The following GRID1 variants were observed in gnomAD, a reference collection of about 807,000 sequenced individuals.
The protein encoded by GRID1 is glutamate ionotropic receptor delta type subunit 1.
A neutral mutation model predicts 98.0 loss-of-function variants in GRID1; 28 were observed. The ratio of observed to expected loss-of-function variants is 0.29; its 90% confidence interval spans 0.21 to 0.39. The LOEUF (loss-of-function observed/expected upper bound fraction) is 0.39. Among genes scored for constraint, GRID1 ranks in the 10% least tolerant of loss-of-function variants. The pLI, the probability that GRID1 is intolerant of heterozygous loss-of-function variation, is 1.00. For synonymous variants in GRID1, 553 were observed against 538.5 expected, an observed-to-expected ratio of 1.03 and a Z score of -0.37; for missense variants, 1,111 against 1,340.5, an observed-to-expected ratio of 0.83 and a Z score of 2.67.
chr10:86,263,003 A>G (rs1202458757), intron 2 of GRID1, among the ~76,000 whole-genome samples: 4 of 151,284 alleles, frequency 2.6e-5, no homozygotes, highest in East Asian at 2.0e-4. Context: ...GAGGGAGTCA[A>G]TTTATTCTGG....
intron 2 of GRID1, among the ~76,000 whole-genome samples, chr10:86,237,571 G>T (rs1421361745): frequency 1.3e-5 from 2 of 152,060 alleles, no homozygotes; most frequent in Non-Finnish European, 2.9e-5. Flanking sequence ...ATGGTGGCAG[G>T]TGCCTGTAGT....
intron 4 of GRID1, among the ~76,000 whole-genome samples, chr10:85,991,051 G>A (rs1037929582): frequency 1.2e-4 from 18 of 152,056 alleles, no homozygotes; most frequent in South Asian, 8.3e-4. Flanking sequence ...TTCCTCTTGC[G>A]CCCTCCCTGC....
chr10:86,283,657 T>C (rs986042647), intron 2 of GRID1, among the ~76,000 whole-genome samples: 3 of 149,756 alleles, frequency 2.0e-5, no homozygotes, highest in Non-Finnish European at 4.5e-5. Flanking sequence ...CACCTGCACA[T>C]ACAACCTGCC....
At chr10:86,320,411 T>G (rs1162222828) in intron 2 of GRID1, among the ~76,000 whole-genome samples, 2 of 152,166 alleles carry the variant, frequency 1.3e-5, no homozygotes, top group African/African-American at 4.8e-5. Context: ...CTTGAAAACC[T>G]CATGCTAAGT....
chr10:86,342,424 TAC>T (rs1248433689), intron 2 of GRID1, among the ~76,000 whole-genome samples: 2 of 152,152 alleles, frequency 1.3e-5, no homozygotes, highest in Non-Finnish European at 2.9e-5. Flanking sequence ...CCTTTCCCAG[TAC>T]ACACACACTC....
intron 2 of GRID1, among the ~76,000 whole-genome samples, chr10:86,307,079 C>G (rs1847768249): frequency 6.6e-6 from 1 of 152,198 alleles, no homozygotes; most frequent in Non-Finnish European, 1.5e-5. Flanking sequence ...GCTTTGCACA[C>G]TGTTGGTAAG....
At chr10:85,697,212 A>G (rs907433101) in intron 12 of GRID1, among the ~76,000 whole-genome samples, 6 of 152,142 alleles carry the variant, frequency 3.9e-5, no homozygotes, top group Non-Finnish European at 8.8e-5. Context: ...AGTTTTTAAG[A>G]GAATTAAGTT....
chr10:85,875,759 G>T (rs73342532), intron 5 of GRID1, among the ~76,000 whole-genome samples: 2,379 of 152,142 alleles, frequency 0.016, 71 homozygotes, highest in African/African-American at 0.054. Flanking sequence ...CAACTAACAC[G>T]CTAAAAACCT....
At chr10:86,349,652 C>T (rs1199780515) in intron 2 of GRID1, among the ~76,000 whole-genome samples, 1 of 152,322 alleles carries the variant, frequency 6.6e-6, no homozygotes, top group East Asian at 1.9e-4. Context: ...ACAGGCAGAC[C>T]TACAGGGGGC....
intron 3 of GRID1, among the ~76,000 whole-genome samples, chr10:86,188,942 C>T (rs372036642): frequency 6.6e-6 from 1 of 152,172 alleles, no homozygotes; most frequent in East Asian, 1.9e-4. Flanking sequence ...AAGTGTCTGA[C>T]ACAGGGAGAT....
At chr10:86,103,952 T>C (rs1844340322) in intron 4 of GRID1, among the ~76,000 whole-genome samples, 1 of 152,158 alleles carries the variant, frequency 6.6e-6, no homozygotes, top group Admixed American at 6.5e-5. Flanking sequence ...CTGTTCCTCC[T>C]GGCCTCAGGA....
chr10:85,636,523 G>A (rs1388009556), intron 13 of GRID1, among the ~76,000 whole-genome samples: 3 of 152,012 alleles, frequency 2.0e-5, no homozygotes, highest in East Asian at 1.9e-4. Flanking sequence ...TAATGGCAAC[G>A]CTCAGGAAAA....
intron 2 of GRID1, among the ~76,000 whole-genome samples, chr10:86,325,357 C>A (rs1848033925): frequency 6.6e-6 from 1 of 152,164 alleles, no homozygotes; most frequent in Non-Finnish European, 1.5e-5. Context: ...CACCATCCTG[C>A]GGCCAGCAGG....
chr10:85,888,292 C>A (rs1439906092), intron 5 of GRID1, among the ~76,000 whole-genome samples: 1 of 152,158 alleles, frequency 6.6e-6, no homozygotes, highest in Non-Finnish European at 1.5e-5. Context: ...CATTCCCAAG[C>A]GTGGGCCCAG....
At chr10:85,640,141 A>G (rs1352483704) in intron 13 of GRID1, among the ~76,000 whole-genome samples, 1 of 152,238 alleles carries the variant, frequency 6.6e-6, no homozygotes, top group African/African-American at 2.4e-5. Flanking sequence ...ATGCTACTCA[A>G]ACTACATTTC....
chr10:85,878,699 T>A (rs1384570968), intron 5 of GRID1, among the ~76,000 whole-genome samples: 1 of 152,124 alleles, frequency 6.6e-6, no homozygotes, highest in Non-Finnish European at 1.5e-5. Context: ...AGGCTAGGAA[T>A]AAACTGCATC....
intron 4 of GRID1, among the ~76,000 whole-genome samples, chr10:85,958,985 G>GAAAGAA (rs1378263609): frequency 6.6e-6 from 1 of 150,932 alleles, no homozygotes; most frequent in Non-Finnish European, 1.5e-5. Flanking sequence ...AAGAAAGAAA[G>GAAAGAA]AAAGAAAAAG....
At chr10:86,250,783 C>T (rs566171784) in intron 2 of GRID1, among the ~76,000 whole-genome samples, 131 of 151,148 alleles carry the variant, frequency 8.7e-4, no homozygotes, top group African/African-American at 2.8e-3. Flanking sequence ...TCTGCCCGGC[C>T]GCCACCCCGT....
At chr10:86,051,179 A>G (rs566176098) in intron 4 of GRID1, among the ~76,000 whole-genome samples, 3 of 151,852 alleles carry the variant, frequency 2.0e-5, no homozygotes, top group East Asian at 1.9e-4. Context: ...AGAAAGATCA[A>G]TGAAACAGAA....
Sources: allele counts gnomAD v4.1 joint callset (sites outside exome capture counted in the v4.1 genomes callset), GRCh38; gene constraint gnomAD v4.1.1; transcripts MANE v1.5; gene names NCBI Gene and HGNC (gene_info 2026-07-23, HGNC 2026-07-21).